Variants in PCBD2 observed in about 807,000 individuals in gnomAD.
The protein encoded by PCBD2 is pterin-4-alpha-carbinolamine dehydratase 2.
PCBD2 carries 12 observed loss-of-function variants against 16.4 expected under a neutral mutation model. The ratio of observed to expected loss-of-function variants is 0.73; its 90% CI spans 0.47 to 1.19. The LOEUF (loss-of-function observed/expected upper bound fraction) is 1.19, where lower values mean the gene tolerates loss of function less well. Among genes scored for constraint, PCBD2 ranks in the 50% most tolerant of loss-of-function variants. The probability of loss-of-function intolerance (pLI) is 0.00; values close to 1 mark genes in which losing one functional copy is unlikely to be tolerated. For missense variants in PCBD2, 138 were observed against 156.8 expected (o/e 0.88, Z 0.64); for synonymous variants, 58 against 61.8 (o/e 0.94, Z 0.29).
At chr5:134,924,605 T>C (rs1750960936) in intron 2 of PCBD2, 1 of 398,712 alleles carries the variant, frequency 2.5e-6, no homozygotes, top group Non-Finnish European at 4.4e-6. Flanking sequence ...GAACATTGTT[T>C]GTTGGTGTGT....
At chr5:134,905,881 T>C (rs990737253) in intron 1 of PCBD2, among the ~76,000 whole-genome samples, 1 of 152,188 alleles carries the variant, frequency 6.6e-6, no homozygotes, top group African/African-American at 2.4e-5. Flanking sequence ...TTGTTTTGTT[T>C]TGTTTTTTCG....
intron 2 of PCBD2, chr5:134,924,373 CAG>C (rs1315641355): frequency 7.6e-6 from 3 of 395,400 alleles, no homozygotes; most frequent in African/African-American, 6.2e-5. Context: ...GCATGGGGGT[CAG>C]GGGTTGAGGT....
chr5:134,929,346 CAAA>C (rs74273275), intron 2 of PCBD2, among the ~76,000 whole-genome samples: 23 of 91,366 alleles, frequency 2.5e-4, no homozygotes, highest in East Asian at 2.6e-4. Context: ...GACCTTGTCT[CAAA>C]AAAAAAAAAA....
intron 2 of PCBD2, among the ~76,000 whole-genome samples, chr5:134,913,972 G>C (rs1750798731): frequency 6.6e-6 from 1 of 152,122 alleles, no homozygotes; most frequent in Admixed American, 6.5e-5. Context: ...TGAGAATCCT[G>C]TTTTCACATG....
intron 2 of PCBD2, among the ~76,000 whole-genome samples, chr5:134,916,837 T>C (rs1454051900): frequency 6.6e-6 from 1 of 152,210 alleles, no homozygotes. Flanking sequence ...GGCTCTGCAG[T>C]GCGTCAATGG....
chr5:134,938,123 G>A (rs1324833985), intron 2 of PCBD2, among the ~76,000 whole-genome samples: 3 of 152,168 alleles, frequency 2.0e-5, no homozygotes, highest in African/African-American at 7.2e-5. Context: ...TTTCTCACAC[G>A]AGGAAACGTT....
intron 1 of PCBD2, among the ~76,000 whole-genome samples, chr5:134,909,524 T>C (rs1305308656): frequency 6.6e-6 from 1 of 152,206 alleles, no homozygotes; most frequent in Non-Finnish European, 1.5e-5. Flanking sequence ...GCTGTCTCTA[T>C]GGTATGTTCC....
At chr5:134,913,255 G>A (rs950034710) in intron 2 of PCBD2, among the ~76,000 whole-genome samples, 1 of 152,182 alleles carries the variant, frequency 6.6e-6, no homozygotes, top group Non-Finnish European at 1.5e-5. Context: ...CTAGTGATGA[G>A]TACCCTGAAG....
In PCBD2 at chr5:134,929,378, G is replaced by C. The variant is rs116833958; in HGVS notation, c.216+18912G>C. On this transcript the variant is annotated intron_variant, in intron 2 of 3. Transcript: ENST00000254908. ...AAAAAAAAAAAAGGGAAGAAAATCA[G>C]GTCAATGTCATGTCACAGAATCCAA... Among the ~76,000 whole-genome samples, 683 of 150,942 alleles carry C rather than the reference G, an allele frequency of 4.5e-3. 5 individuals carry two copies. Among genetic ancestry groups the C allele is most frequent in the African/African-American group, 0.015 (632 of 41,176 alleles).
At chr5:134,919,948 G>A (rs999258075) in intron 2 of PCBD2, among the ~76,000 whole-genome samples, 1 of 152,264 alleles carries the variant, frequency 6.6e-6, no homozygotes, top group Admixed American at 6.5e-5. Flanking sequence ...CAAATATTGG[G>A]TGCCTGATGG....
At position 134,927,358 on chromosome 5, in the gene PCBD2, C is replaced by T. The variant is rs1580884688; in HGVS notation, c.216+16892C>T. 8 of 398,306 alleles carry T rather than the reference C, an allele frequency of 2.0e-5. No homozygotes were observed. In the East Asian group the frequency reaches 2.8e-4, roughly 14 times the overall value. 24.7% of individuals were successfully genotyped at this position (398,306 alleles called of 1,614,324 possible). On this transcript the variant is annotated intron_variant, in intron 2 of 3. Coordinates refer to ENST00000254908, the MANE Select transcript of PCBD2 (RefSeq NM_032151.5). ...AGTACTGCAGCAAGTACTATTGACC[C>T]AGCGATGGGGGCTTCGACATGGGCT...
At chr5:134,920,854 ACCAACATGG>A (rs975208830) in intron 2 of PCBD2, among the ~76,000 whole-genome samples, 1 of 152,192 alleles carries the variant, frequency 6.6e-6, no homozygotes, top group Non-Finnish European at 1.5e-5. Context: ...ATGGTGTTTC[ACCAACATGG>A]CCAACATGGC....
intron 2 of PCBD2, among the ~76,000 whole-genome samples, chr5:134,913,140 T>C (rs571718256): frequency 5.8e-4 from 88 of 152,364 alleles, no homozygotes; most frequent in Non-Finnish European, 1.0e-3. Flanking sequence ...TCAACAAAGA[T>C]TTATTAAGCA....
intron 2 of PCBD2, among the ~76,000 whole-genome samples, chr5:134,918,259 C>CT (rs1055400430): frequency 2.0e-5 from 3 of 152,196 alleles, no homozygotes; most frequent in African/African-American, 4.8e-5. Context: ...AATCCCAGCA[C>CT]TTTGGGAGGC....
At chr5:134,960,103 C>T (rs1751458811) in intron 3 of PCBD2, among the ~76,000 whole-genome samples, 2 of 151,956 alleles carry the variant, frequency 1.3e-5, no homozygotes, top group Non-Finnish European at 1.5e-5. Context: ...TGGTCTCAAA[C>T]TCCTGAACTC....
intron 2 of PCBD2, among the ~76,000 whole-genome samples, chr5:134,950,850 A>T (rs1254987218): frequency 2.0e-5 from 3 of 152,208 alleles, no homozygotes; most frequent in Non-Finnish European, 4.4e-5. Flanking sequence ...GTTTGTTTGA[A>T]ATGGCTGTGG....
rs1158334317 is a variant in PCBD2, at chr5:134,906,194, A to ATTTTTTTT, written c.84+991_84+998dup. Among the ~76,000 whole-genome samples, 200 of 66,522 alleles carry ATTTTTTTT rather than the reference A, an allele frequency of 3.0e-3. 17 individuals carry two copies. The highest frequency in any genetic ancestry group is 0.013 in the African/African-American group (194 of 14,662). 43.6% of individuals were successfully genotyped at this position (66,522 alleles called of 152,430 possible). On this transcript the variant is annotated intron_variant, in intron 1 of 3. Transcript: ENST00000254908. ...TGGCCTGAAATTCTTTAATAGAAGA[A>ATTTTTTTT]TTTTTTTTTTTTTTTTTTTTTTTTT...
chr5:134,922,586 G>A (rs1750917666), intron 2 of PCBD2, among the ~76,000 whole-genome samples: 1 of 152,154 alleles, frequency 6.6e-6, no homozygotes, highest in Non-Finnish European at 1.5e-5. Context: ...ATACAGTATA[G>A]TGGGGGAGGG....
intron 3 of PCBD2, 118 bp downstream of exon 3, chr5:134,959,238 C>T: frequency 1.4e-6 from 1 of 710,222 alleles, no homozygotes; most frequent in African/African-American, 1.8e-5. Context: ...TATCCTTTCT[C>T]TCAGAATCCC....
Sources: allele counts gnomAD v4.1 joint callset (sites outside exome capture counted in the v4.1 genomes callset), GRCh38; gene constraint gnomAD v4.1.1; transcripts MANE v1.5; gene names NCBI Gene and HGNC (gene_info 2026-07-23, HGNC 2026-07-21).